SNX24: variants seen among roughly 807,000 people sequenced by gnomAD.
The protein encoded by SNX24 is sorting nexin-24.
A neutral mutation model predicts 28.7 loss-of-function variants in SNX24; 22 were observed. The ratio of observed to expected loss-of-function variants is 0.77; its 90% CI spans 0.55 to 1.10. The LOEUF (loss-of-function observed/expected upper bound fraction) is 1.10, where lower values mean the gene tolerates loss of function less well. Ranked by LOEUF, SNX24 falls within the 50% of genes least tolerant of loss-of-function variation. The pLI is 0.00. For missense variants in SNX24, 221 were observed against 201.1 expected (o/e 1.10, Z -0.60); for synonymous variants, 69 against 71.5 (o/e 0.96, Z 0.18).
chr5:122,883,435 A>G (rs543669527), intron 1 of SNX24, among the ~76,000 whole-genome samples: 20 of 152,312 alleles, frequency 1.3e-4, no homozygotes, highest in African/African-American at 2.4e-4. Flanking sequence ...AACAAATGGC[A>G]TATCTTCCTA....
chr5:123,000,034 T>C (rs1369505217), intron 4 of SNX24, 28 bp downstream of exon 4: 1 of 1,405,346 alleles, frequency 7.1e-7, no homozygotes, highest in African/African-American at 1.4e-5. Flanking sequence ...ATATTGGATG[T>C]GTATTTTAAA....
At chr5:122,899,698 T>C (rs1757346938) in intron 1 of SNX24, among the ~76,000 whole-genome samples, 1 of 152,150 alleles carries the variant, frequency 6.6e-6, no homozygotes, top group Admixed American at 6.5e-5. Flanking sequence ...CGCGAGGCAC[T>C]GTGCCTGGCC....
intron 1 of SNX24, among the ~76,000 whole-genome samples, chr5:122,907,346 A>C (rs969509938): frequency 6.6e-6 from 1 of 152,196 alleles, no homozygotes; most frequent in South Asian, 2.1e-4. Flanking sequence ...AGATGGGGCC[A>C]AGTTGTGAAG....
chr5:122,918,617 G>A (rs1281552761), intron 1 of SNX24, among the ~76,000 whole-genome samples: 1 of 152,160 alleles, frequency 6.6e-6, no homozygotes, highest in African/African-American at 2.4e-5. Flanking sequence ...CTAGTACACA[G>A]CCTAGCATAG....
chr5:122,946,834 C>T (rs1021838926), intron 3 of SNX24, among the ~76,000 whole-genome samples: 8 of 152,256 alleles, frequency 5.3e-5, no homozygotes, highest in Non-Finnish European at 7.4e-5. Context: ...TGGCCCCAGG[C>T]GAGTACTCAG....
intron 5 of SNX24, among the ~76,000 whole-genome samples, chr5:123,019,409 C>T (rs910381336): frequency 1.3e-5 from 2 of 152,050 alleles, no homozygotes; most frequent in African/African-American, 4.8e-5. Context: ...CATTTTCCTG[C>T]TGTAAAATCC....
At chr5:122,931,027 A>C (rs1758931761) in intron 1 of SNX24, among the ~76,000 whole-genome samples, 1 of 152,214 alleles carries the variant, frequency 6.6e-6, no homozygotes, top group Non-Finnish European at 1.5e-5. Flanking sequence ...CTGCAACATT[A>C]AGTGAGGGCT....
chr5:122,885,154 C>CT (rs1348837566), intron 1 of SNX24, among the ~76,000 whole-genome samples: 1 of 152,028 alleles, frequency 6.6e-6, no homozygotes, highest in African/African-American at 2.4e-5. Flanking sequence ...AGAAAGGAGG[C>CT]TGGGTGTGTA....
intron 5 of SNX24, 137 bp downstream of exon 5, chr5:123,001,574 A>G (rs1762248168): frequency 1.5e-6 from 1 of 670,614 alleles, no homozygotes; most frequent in Non-Finnish European, 2.6e-6. Flanking sequence ...AATATTTGAT[A>G]GGGAATTACA....
At chr5:122,993,772 T>A (rs1761953453) in intron 3 of SNX24, among the ~76,000 whole-genome samples, 1 of 152,224 alleles carries the variant, frequency 6.6e-6, no homozygotes, top group Non-Finnish European at 1.5e-5. Flanking sequence ...TTTACTGCAG[T>A]GAGGAGGTAT....
chr5:122,915,275 T>G (rs1286797813), intron 1 of SNX24, among the ~76,000 whole-genome samples: 1 of 152,186 alleles, frequency 6.6e-6, no homozygotes, highest in Non-Finnish European at 1.5e-5. Context: ...AGTAACTTCC[T>G]ACTCCATCTT....
At chr5:122,856,749 C>T (rs1755211713) in intron 1 of SNX24, among the ~76,000 whole-genome samples, 1 of 151,996 alleles carries the variant, frequency 6.6e-6, no homozygotes, top group Non-Finnish European at 1.5e-5. Context: ...CTCCTGACCT[C>T]AAGTGATCTG....
intron 3 of SNX24, among the ~76,000 whole-genome samples, chr5:122,982,817 A>C (rs1172030194): frequency 1.3e-5 from 2 of 152,214 alleles, no homozygotes; most frequent in African/African-American, 4.8e-5. Context: ...AATTTAAAAG[A>C]ATAATAAAAA....
chr5:122,968,656 G>C (rs540378798), intron 3 of SNX24, among the ~76,000 whole-genome samples: 1 of 152,080 alleles, frequency 6.6e-6, no homozygotes, highest in Non-Finnish European at 1.5e-5. Context: ...GTATTGATGA[G>C]ATAAGCTGAA....
At chr5:122,981,480 A>G (rs1481110714) in intron 3 of SNX24, among the ~76,000 whole-genome samples, 1 of 152,250 alleles carries the variant, frequency 6.6e-6, no homozygotes, top group African/African-American at 2.4e-5. Flanking sequence ...TATTATAAGT[A>G]TACCATTAAA....
chr5:122,999,658 A>G (rs1762175419), intron 3 of SNX24, among the ~76,000 whole-genome samples: 1 of 152,178 alleles, frequency 6.6e-6, no homozygotes, highest in Non-Finnish European at 1.5e-5. Flanking sequence ...GTCAGCATCT[A>G]GTGTATAGTA....
chr5:122,853,659 AT>A (rs1185564275), intron 1 of SNX24: 12 of 369,740 alleles, frequency 3.2e-5, no homozygotes, highest in East Asian at 8.4e-5. Context: ...ATTTTAAAAA[AT>A]TTTTTTCGTA....
chr5:123,010,255 C>T (rs1468206899), downstream of SNX24, among the ~76,000 whole-genome samples: 1 of 151,972 alleles, frequency 6.6e-6, no homozygotes, highest in African/African-American at 2.4e-5. Flanking sequence ...TGCTAGCCTT[C>T]TACAGCTCAG....
At chr5:122,884,861 AT>A (rs1404666943) in intron 1 of SNX24, among the ~76,000 whole-genome samples, 1 of 152,114 alleles carries the variant, frequency 6.6e-6, no homozygotes, top group Non-Finnish European at 1.5e-5. Context: ...AGAGCTCAAG[AT>A]TTATGCACAG....
Sources: gnomAD v4.1 joint callset for allele counts (sites outside exome capture counted in the v4.1 genomes callset) on GRCh38, gnomAD v4.1.1 for gene constraint, MANE v1.5 for transcripts, NCBI Gene and HGNC (gene_info 2026-07-23, HGNC 2026-07-21) for gene names.